TNFRSF19: variants seen among roughly 807,000 people sequenced by gnomAD.
The protein encoded by TNFRSF19 is TNF receptor superfamily member 19, also known as tumor necrosis factor receptor superfamily member 19.
TNFRSF19 carries 27 observed loss-of-function variants against 46.4 expected under a neutral mutation model. That is an observed-to-expected ratio of 0.58 (90% CI 0.43 to 0.80). The LOEUF (loss-of-function observed/expected upper bound fraction) is 0.80. TNFRSF19 is among the 30% of genes least tolerant of loss of function. The probability of loss-of-function intolerance (pLI) is 0.00; values close to 1 mark genes in which losing one functional copy is unlikely to be tolerated. For missense variants in TNFRSF19, 511 were observed against 530.8 expected (o/e 0.96, Z 0.37); for synonymous variants, 204 against 205.0 (o/e 1.00, Z 0.04).
intron 3 of TNFRSF19, among the ~76,000 whole-genome samples, chr13:23,595,654 G>A (rs138393834): frequency 0.012 from 1,797 of 152,216 alleles, 37 homozygotes; most frequent in African/African-American, 0.041. Context: ...TGAAAGTGAC[G>A]GGGAGAATGG....
chr13:23,663,671 CT>C (rs1884520723), intron 7 of TNFRSF19, among the ~76,000 whole-genome samples: 1 of 152,066 alleles, frequency 6.6e-6, no homozygotes, highest in Admixed American at 6.5e-5. Context: ...CTATTTACTA[CT>C]GATTCAGTTT....
intron 5 of TNFRSF19, among the ~76,000 whole-genome samples, chr13:23,643,349 A>T (rs766197980): frequency 1.3e-5 from 2 of 152,256 alleles, no homozygotes; most frequent in Non-Finnish European, 2.9e-5. Context: ...ATGTAATTGC[A>T]AGATTTGGAC....
intron 1 of TNFRSF19, among the ~76,000 whole-genome samples, chr13:23,588,708 T>G (rs1218464984): frequency 1.3e-5 from 2 of 152,222 alleles, no homozygotes; most frequent in Non-Finnish European, 2.9e-5. Flanking sequence ...AATGTGATTT[T>G]TATCTTCTCA....
At chr13:23,653,235 C>T (rs1350179395) in intron 5 of TNFRSF19, among the ~76,000 whole-genome samples, 2 of 152,198 alleles carry the variant, frequency 1.3e-5, no homozygotes. Context: ...ACATAACCCA[C>T]ACCCCTTCTG....
At chr13:23,671,040 T>C (rs1310733161) in intron 9 of TNFRSF19, among the ~76,000 whole-genome samples, 3 of 152,254 alleles carry the variant, frequency 2.0e-5, no homozygotes, top group African/African-American at 7.2e-5. Context: ...AGCCAACTCA[T>C]TGCCTGCTTT....
chr13:23,590,636 A>G (rs1593236599), intron 2 of TNFRSF19, among the ~76,000 whole-genome samples: 1 of 152,206 alleles, frequency 6.6e-6, no homozygotes, highest in East Asian at 1.9e-4. Flanking sequence ...CCCCCAGCCC[A>G]AAATTATTTT....
intron 8 of TNFRSF19, among the ~76,000 whole-genome samples, 196 bp downstream of exon 8, chr13:23,668,278 C>G (rs1268436695): frequency 6.6e-6 from 1 of 152,188 alleles, no homozygotes; most frequent in Non-Finnish European, 1.5e-5. Flanking sequence ...GTGCAACATT[C>G]TTTACACTTT....
intron 3 of TNFRSF19, among the ~76,000 whole-genome samples, chr13:23,615,603 G>T (rs1593257782): frequency 6.6e-6 from 1 of 152,316 alleles, no homozygotes; most frequent in East Asian, 1.9e-4. Context: ...TGATAGTAAC[G>T]CAGCAGTGGG....
chr13:23,648,049 A>G (rs1883430080), intron 5 of TNFRSF19, among the ~76,000 whole-genome samples: 1 of 151,746 alleles, frequency 6.6e-6, no homozygotes, highest in African/African-American at 2.4e-5. Context: ...GTTCTTTTGT[A>G]AGACTATTTT....
intron 9 of TNFRSF19, among the ~76,000 whole-genome samples, chr13:23,671,567 G>A (rs1431086828): frequency 6.6e-6 from 1 of 151,496 alleles, no homozygotes; most frequent in Non-Finnish European, 1.5e-5. Context: ...TGAACCTTAA[G>A]CTACTTCAGG....
intron 9 of TNFRSF19, chr13:23,669,514 T>C: frequency 1.1e-5 from 11 of 985,332 alleles, no homozygotes; most frequent in Non-Finnish European, 1.3e-5. Flanking sequence ...CAAGTTTATG[T>C]GAATTTTGGT....
intron 3 of TNFRSF19, among the ~76,000 whole-genome samples, chr13:23,609,142 C>T (rs1003558387): frequency 1.3e-5 from 2 of 152,144 alleles, no homozygotes; most frequent in Non-Finnish European, 2.9e-5. Flanking sequence ...GTCGCTGAGC[C>T]ATGTGGAGTC....
chr13:23,632,880 G>A (rs1882436490), intron 5 of TNFRSF19, among the ~76,000 whole-genome samples: 1 of 152,210 alleles, frequency 6.6e-6, no homozygotes, highest in South Asian at 2.1e-4. Flanking sequence ...AGCCAGAAGT[G>A]AAAGCGCAGC....
Position 23,590,055 on chromosome 13 carries a change from C to G in TNFRSF19, c.-34-95C>G, listed in dbSNP as rs568463755. 2.7e-4 allele frequency: 128 copies of G among 481,898 alleles called. 2 individuals carry two copies. In the South Asian group the frequency reaches 4.1e-3, roughly 16 times the overall value. The allele number at this position is 481,898 out of a possible 1,614,324, so 29.9% of individuals were successfully genotyped here. On this transcript the variant is annotated intron_variant, in intron 1 of 9. Transcript: ENST00000248484. ...TTAAAACACAAATAATATTTATTAC[C>G]TAGTCTATATAGTAAGTGGTAGATA...
In TNFRSF19 at chr13:23,615,951, T is replaced by C. The variant is rs746404574; in HGVS notation, c.265T>C (p.Cys89Arg). ...CAAGGAGGACTGGGGCTTCCAGAAA[T>C]GCAAGCCCTGTCTGGACTGCGCAGT... Reference protein sequence around the residue: ...RFKEDWGFQKCKPCLDCAVVN... With the variant: ...RFKEDWGFQKRKPCLDCAVVN... The change falls in exon 4 of 10, where the codon TGC (cysteine) becomes CGC (arginine). Residue 89 changes from cysteine to arginine, a missense_variant. Transcript: ENST00000248484. The C allele has an allele frequency of 6.2e-7, 1 of 1,614,044 alleles. No individual in the cohort carries two copies. The highest frequency in any genetic ancestry group is 8.5e-7 in the Non-Finnish European group (1 of 1,179,940).
At chr13:23,627,168 C>T (rs1240150068) in intron 5 of TNFRSF19, among the ~76,000 whole-genome samples, 1 of 152,148 alleles carries the variant, frequency 6.6e-6, no homozygotes, top group Non-Finnish European at 1.5e-5. Flanking sequence ...CTTTCCTAGT[C>T]CCCAGACAGG....
intron 1 of TNFRSF19, among the ~76,000 whole-genome samples, chr13:23,579,802 CTG>C (rs1878266512): frequency 6.6e-6 from 1 of 152,068 alleles, no homozygotes; most frequent in South Asian, 2.1e-4. Flanking sequence ...GCGACGCGAC[CTG>C]GACTCCTATC....
chr13:23,623,523 G>A (rs1406523385), intron 4 of TNFRSF19, among the ~76,000 whole-genome samples: 2 of 152,164 alleles, frequency 1.3e-5, no homozygotes, highest in African/African-American at 4.8e-5. Flanking sequence ...AGGAACCTAC[G>A]TGCTGTTTTC....
chr13:23,658,932 C>A, intron 5 of TNFRSF19, 118 bp from the exon 6 acceptor site: 1 of 1,334,598 alleles, frequency 7.5e-7, no homozygotes, highest in South Asian at 1.2e-5. Context: ...CTTTAAATAT[C>A]TCATGCCAGT....
Sources: allele counts gnomAD v4.1 joint callset (sites outside exome capture counted in the v4.1 genomes callset), GRCh38; gene constraint gnomAD v4.1.1; transcripts MANE v1.5; gene names NCBI Gene and HGNC (gene_info 2026-07-23, HGNC 2026-07-21).